GPAT3: variants seen among roughly 807,000 people sequenced by gnomAD.
GPAT3 encodes glycerol-3-phosphate acyltransferase 3.
A neutral mutation model predicts 58.8 loss-of-function variants in GPAT3; 53 were observed. The ratio of observed to expected loss-of-function variants is 0.90; its 90% CI spans 0.72 to 1.13. The LOEUF is 1.13. Among genes scored for constraint, GPAT3 ranks in the 50% most tolerant of loss-of-function variants. The probability of loss-of-function intolerance (pLI) is 0.00; values close to 1 mark genes in which losing one functional copy is unlikely to be tolerated. For missense variants in GPAT3, 511 were observed against 527.6 expected (o/e 0.97, Z 0.31); for synonymous variants, 197 against 187.4 (o/e 1.05, Z -0.42).
chr4:83,605,725 A>G lies in GPAT3; in HGVS notation c.*958A>G, dbSNP rs1727230650. ...GAGCCTTAATTTTTTTTAGAGGGGG[A>G]AATAAGTTTTCCCCAACTCACACAG... On this transcript the variant is annotated 3_prime_UTR_variant, in exon 12 of 12. Transcript: ENST00000264409. The G allele has an allele frequency of 6.6e-6, 1 of 152,456 alleles. No homozygotes were observed. The highest frequency in any genetic ancestry group is 6.6e-5 in the Admixed American group (1 of 15,252). The allele number at this position is 152,456 out of a possible 1,614,324, so 9.4% of individuals were successfully genotyped here. A position where few individuals can be genotyped will look rare whatever the true frequency, so the allele number is the denominator to read the frequency against.
At chr4:83,539,673 TC>T (rs1724223926) in intron 1 of GPAT3, among the ~76,000 whole-genome samples, 1 of 152,202 alleles carries the variant, frequency 6.6e-6, no homozygotes, top group African/African-American at 2.4e-5. Flanking sequence ...TTGCTGGGTA[TC>T]TCTAGATGTA....
At chr4:83,554,929 G>A (rs1195340577) in intron 2 of GPAT3, among the ~76,000 whole-genome samples, 1 of 151,190 alleles carries the variant, frequency 6.6e-6, no homozygotes, top group East Asian at 1.9e-4. Context: ...TCAGCCTCCT[G>A]AGTAGCCAGG....
At chr4:83,558,345 T>TA (rs1177650252) in intron 2 of GPAT3, among the ~76,000 whole-genome samples, 1 of 152,012 alleles carries the variant, frequency 6.6e-6, no homozygotes, top group African/African-American at 2.4e-5. Context: ...GGTTACGTGA[T>TA]AAAGGTGTGC....
chr4:83,573,695 G>A (rs376485744), intron 2 of GPAT3, among the ~76,000 whole-genome samples: 4 of 152,286 alleles, frequency 2.6e-5, no homozygotes, highest in South Asian at 4.1e-4. Context: ...AAGGATCTGA[G>A]CCCCTCAGAG....
chr4:83,596,907 C>A lies in GPAT3; in HGVS notation c.904C>A (p.Pro302Thr). The change falls in exon 8 of 12, where the codon CCT (proline) becomes ACT (threonine). Residue 302 changes from proline to threonine, a missense_variant. Pro to Thr is a conservative substitution (Grantham distance 38, BLOSUM62 -1). Coordinates refer to ENST00000264409, the MANE Select transcript of GPAT3 (RefSeq NM_032717.5). ...DKKKLPILIF[P>T]EGTCINNTSV... The stretch of plus-strand genomic sequence containing the variant: ...GAAGAAACTACCCATACTAATTTTT[C>A]CTGAAGGTAAGAATGGGCCTGCCTC... The A allele has an allele frequency of 1.9e-6, 3 of 1,600,136 alleles. No individual in the cohort carries two copies. Among genetic ancestry groups the A allele is most frequent in the Non-Finnish European group, 2.6e-6 (3 of 1,176,238 alleles).
intron 2 of GPAT3, among the ~76,000 whole-genome samples, chr4:83,562,227 T>A (rs1158570098): frequency 3.3e-4 from 23 of 70,276 alleles, no homozygotes; most frequent in Non-Finnish European, 4.3e-4. Flanking sequence ...ATATATATAA[T>A]ATATATATAA....
At chr4:83,586,584 TCTC>T (rs1726383308) in intron 3 of GPAT3, among the ~76,000 whole-genome samples, 1 of 152,244 alleles carries the variant, frequency 6.6e-6, no homozygotes, top group African/African-American at 2.4e-5. Context: ...TGATTTTTCT[TCTC>T]TATTAACTAA....
chr4:83,595,053 C>G, intron 7 of GPAT3, 93 bp downstream of exon 7: 1 of 1,054,406 alleles, frequency 9.5e-7, no homozygotes, highest in South Asian at 1.4e-5. Context: ...AGCACTGAGT[C>G]TCAAAACTGA....
intron 2 of GPAT3, among the ~76,000 whole-genome samples, chr4:83,578,947 CTTTTCTTTCTT>C (rs1485964777): frequency 3.9e-5 from 1 of 25,738 alleles, no homozygotes; most frequent in Non-Finnish European, 1.0e-4. Flanking sequence ...CTTTTCTTTT[CTTTTCTTTCTT>C]TCTTTCTTTC....
At chr4:83,591,026 G>T (rs991653464) in intron 6 of GPAT3, among the ~76,000 whole-genome samples, 2 of 151,942 alleles carry the variant, frequency 1.3e-5, no homozygotes, top group African/African-American at 4.8e-5. Flanking sequence ...CCTTCAGTTG[G>T]TGTTTGGCAT....
At chr4:83,577,027 C>T (rs571714704) in intron 2 of GPAT3, among the ~76,000 whole-genome samples, 76 of 152,292 alleles carry the variant, frequency 5.0e-4, no homozygotes, top group Non-Finnish European at 6.3e-4. Flanking sequence ...CACACATCAC[C>T]AGTCATGACA....
chr4:83,574,901 G>A, intron 2 of GPAT3, among the ~76,000 whole-genome samples: 2 of 124,144 alleles, frequency 1.6e-5, no homozygotes, highest in Non-Finnish European at 3.2e-5. Context: ...TTTTTGAGAC[G>A]GAGTCTCGCT....
At chr4:83,551,898 G>A (rs1480071134) in intron 2 of GPAT3, among the ~76,000 whole-genome samples, 1 of 148,606 alleles carries the variant, frequency 6.7e-6, no homozygotes, top group Non-Finnish European at 1.5e-5. Context: ...ACTCATCTTT[G>A]GGGGGTTACA....
rs933836258 is a variant in GPAT3, at chr4:83,591,836, C to T, written c.738+1544C>T. Among the ~76,000 whole-genome samples, 4 of 152,144 alleles carry T rather than the reference C, an allele frequency of 2.6e-5. No homozygotes were observed. The South Asian group carries it at 8.3e-4, about 32-fold the overall frequency. On this transcript the variant is annotated intron_variant, in intron 6 of 11. Coordinates refer to ENST00000264409, the MANE Select transcript of GPAT3 (RefSeq NM_032717.5). ...TGCTGCTACAACAGAATACCACAGA[C>T]TGTAACTTATAATGAACAGAAATTT...
chr4:83,550,178 CT>C (rs926024650), intron 2 of GPAT3, among the ~76,000 whole-genome samples: 2 of 151,558 alleles, frequency 1.3e-5, no homozygotes, highest in African/African-American at 4.8e-5. Context: ...TTTTCTTTTT[CT>C]TTTTTTTCAA....
intron 9 of GPAT3, 147 bp from the exon 10 acceptor site, chr4:83,597,903 CT>C (rs934752811): frequency 5.8e-4 from 508 of 872,732 alleles, no homozygotes; most frequent in Middle Eastern, 7.3e-4. Flanking sequence ...GCCCAGTTTA[CT>C]TTTTTTTTGA....
chr4:83,600,437 G>C (rs1170333278), intron 11 of GPAT3, among the ~76,000 whole-genome samples: 1 of 152,010 alleles, frequency 6.6e-6, no homozygotes, highest in African/African-American at 2.4e-5. Flanking sequence ...TGAATTTTGG[G>C]GGAGACAAAA....
intron 11 of GPAT3, among the ~76,000 whole-genome samples, chr4:83,602,518 A>G (rs1727094493): frequency 6.6e-6 from 1 of 151,850 alleles, no homozygotes; most frequent in African/African-American, 2.4e-5. Flanking sequence ...TAATTTTATG[A>G]TCTTAAACTG....
At position 83,547,318 on chromosome 4, in the gene GPAT3, T is replaced by C. The variant is rs1460546884; in HGVS notation, c.208+2716T>C. Among the ~76,000 whole-genome samples, 3 of 145,816 alleles carry C rather than the reference T, an allele frequency of 2.1e-5. No homozygotes were observed. In the East Asian group the frequency reaches 6.1e-4, roughly 30 times the overall value. ...CCCAGGCTGGAGTGCAGTGGCGGGA[T>C]CTCGGCTCACTGCAAGCTCCGCCTC... On this transcript the variant is annotated intron_variant, in intron 2 of 11. Coordinates refer to ENST00000264409, the MANE Select transcript of GPAT3 (RefSeq NM_032717.5).
Sources: gnomAD v4.1 joint callset for allele counts (sites outside exome capture counted in the v4.1 genomes callset) on GRCh38, gnomAD v4.1.1 for gene constraint, MANE v1.5 for transcripts, NCBI Gene and HGNC (gene_info 2026-07-23, HGNC 2026-07-21) for gene names.